TLN2: variants seen among roughly 807,000 people sequenced by gnomAD.
TLN2 encodes talin-2.
In TLN2, 118 loss-of-function variants were observed where a neutral mutation model predicts 294.7. That is an observed-to-expected ratio of 0.40 (90% confidence interval 0.34 to 0.47). TLN2 has a LOEUF of 0.47. Among genes scored for constraint, TLN2 ranks in the 20% least tolerant of loss-of-function variants. The probability of loss-of-function intolerance (pLI) is 0.84; values close to 1 mark genes in which losing one functional copy is unlikely to be tolerated. For synonymous variants in TLN2, 1,431 were observed against 1,304.5 expected (o/e 1.10, Z -2.09); for missense variants, 3,083 against 3,282.2 (o/e 0.94, Z 1.48).
intron 1 of TLN2, among the ~76,000 whole-genome samples, chr15:62,469,352 G>A (rs2037338635): frequency 6.6e-6 from 1 of 152,208 alleles, no homozygotes; most frequent in African/African-American, 2.4e-5. Flanking sequence ...AAGTGTGTGA[G>A]TTGATCTGTC....
chr15:62,816,837 C>T (rs777551845), intron 52 of TLN2, among the ~76,000 whole-genome samples: 4 of 152,076 alleles, frequency 2.6e-5, no homozygotes, highest in Non-Finnish European at 4.4e-5. Context: ...ACCTGGTAGT[C>T]GTACAGCATA....
chr15:62,825,146 G>A (rs1391887060), intron 54 of TLN2, among the ~76,000 whole-genome samples: 1 of 152,174 alleles, frequency 6.6e-6, no homozygotes, highest in Non-Finnish European at 1.5e-5. Context: ...GAAGCGATCT[G>A]TGTGTGTTGG....
chr15:62,707,329 G>T, intron 20 of TLN2, 76 bp downstream of exon 20: 1 of 1,469,694 alleles, frequency 6.8e-7, no homozygotes, highest in South Asian at 1.5e-5. Flanking sequence ...TTGGTGTGTA[G>T]CAGGGGCAGA....
intron 11 of TLN2, among the ~76,000 whole-genome samples, chr15:62,676,091 G>A (rs1394497354): frequency 6.6e-6 from 1 of 152,192 alleles, no homozygotes; most frequent in Non-Finnish European, 1.5e-5. Flanking sequence ...AACCAGCCGT[G>A]TTGCGGCTGC....
intron 33 of TLN2, among the ~76,000 whole-genome samples, chr15:62,749,063 T>C (rs1198181306): frequency 1.3e-5 from 2 of 152,252 alleles, no homozygotes; most frequent in African/African-American, 2.4e-5. Flanking sequence ...ATAAAATCAG[T>C]GTACCTACTT....
At chr15:62,410,957 G>A (rs2033741436) in intron 1 of TLN2, among the ~76,000 whole-genome samples, 1 of 152,102 alleles carries the variant, frequency 6.6e-6, no homozygotes, top group African/African-American at 2.4e-5. Flanking sequence ...TTTAAACCAG[G>A]GTACATCCAT....
intron 58 of TLN2, 55 bp from the exon 59 acceptor site, chr15:62,840,427 T>G: frequency 6.2e-7 from 1 of 1,602,496 alleles, no homozygotes; most frequent in South Asian, 1.1e-5. Flanking sequence ...GTGGGGTGGG[T>G]CGGAGGGTTT....
chr15:62,702,295 C>A (rs959258938), intron 18 of TLN2, 95 bp downstream of exon 18: 2 of 1,325,052 alleles, frequency 1.5e-6, no homozygotes, highest in South Asian at 1.5e-5. Flanking sequence ...CTGTTCCTTG[C>A]GTCTTGATGG....
At chr15:62,408,517 C>T (rs751684598) in intron 1 of TLN2, among the ~76,000 whole-genome samples, 3 of 152,130 alleles carry the variant, frequency 2.0e-5, no homozygotes, top group South Asian at 2.1e-4. Flanking sequence ...CTACAATGAC[C>T]GTCTCTCTGA....
intron 1 of TLN2, among the ~76,000 whole-genome samples, chr15:62,566,679 A>G (rs1255136967): frequency 6.8e-6 from 1 of 146,726 alleles, no homozygotes; most frequent in East Asian, 2.0e-4. Flanking sequence ...GCTGGAGCGC[A>G]GTGGCACAAG....
intron 44 of TLN2, among the ~76,000 whole-genome samples, chr15:62,782,132 A>G (rs373347565): frequency 1.9e-4 from 29 of 152,192 alleles, no homozygotes; most frequent in African/African-American, 7.0e-4. Context: ...GAGCCACCAC[A>G]TGGTTGCTGT....
intron 11 of TLN2, among the ~76,000 whole-genome samples, chr15:62,686,117 A>G (rs2057265253): frequency 6.6e-6 from 1 of 152,226 alleles, no homozygotes; most frequent in African/African-American, 2.4e-5. Flanking sequence ...AGTTTTAAGA[A>G]TCAGTAGATA....
intron 29 of TLN2, 103 bp from the exon 30 acceptor site, chr15:62,738,111 C>A: frequency 1.5e-6 from 2 of 1,378,938 alleles, no homozygotes; most frequent in Non-Finnish European, 2.0e-6. Context: ...GCTGGTGGGT[C>A]ATTTCCGTAT....
intron 28 of TLN2, among the ~76,000 whole-genome samples, chr15:62,728,029 A>G (rs1253005661): frequency 6.6e-6 from 1 of 152,294 alleles, no homozygotes; most frequent in East Asian, 1.9e-4. Context: ...GGATACCTTC[A>G]TAAGGTCTCA....
intron 1 of TLN2, among the ~76,000 whole-genome samples, chr15:62,587,127 A>G (rs1186152951): frequency 6.6e-6 from 1 of 152,196 alleles, no homozygotes; most frequent in African/African-American, 2.4e-5. Flanking sequence ...TCGGAAATGA[A>G]TGGCAGCTGA....
chr15:62,701,014 C>A, intron 16 of TLN2, 92 bp from the exon 17 acceptor site: 1 of 1,143,924 alleles, frequency 8.7e-7, no homozygotes. Context: ...AGAATGTAGC[C>A]AAAATGCTGG....
At chr15:62,668,667 T>G (rs2055023285) in intron 9 of TLN2, among the ~76,000 whole-genome samples, 1 of 152,208 alleles carries the variant, frequency 6.6e-6, no homozygotes, top group Non-Finnish European at 1.5e-5. Flanking sequence ...GCGTGTGTGC[T>G]GTGACCCTGG....
intron 40 of TLN2, among the ~76,000 whole-genome samples, chr15:62,766,060 C>T (rs2062982857): frequency 6.6e-6 from 1 of 152,160 alleles, no homozygotes; most frequent in Non-Finnish European, 1.5e-5. Flanking sequence ...AGTAAAGATA[C>T]CAGTAGCATC....
intron 1 of TLN2, chr15:62,476,210 C>G (rs542106145): frequency 6.6e-6 from 1 of 152,284 alleles, no homozygotes; most frequent in Non-Finnish European, 1.5e-5. Context: ...GCATTTTTCC[C>G]TCCTCCTGCT....
Sources: allele counts gnomAD v4.1 joint callset (sites outside exome capture counted in the v4.1 genomes callset), GRCh38; gene constraint gnomAD v4.1.1; transcripts MANE v1.5; gene names NCBI Gene and HGNC (gene_info 2026-07-23, HGNC 2026-07-21).